TG: variants seen among roughly 807,000 people sequenced by gnomAD.
TG encodes thyroid hormones.
Under a neutral mutation model 324.7 loss-of-function variants are expected in TG, and 270 were observed. The observed-to-expected ratio is 0.83, with a 90% CI of 0.75 to 0.92. TG has a LOEUF of 0.92. Among genes scored for constraint, TG ranks in the 40% least tolerant of loss-of-function variants. The probability of loss-of-function intolerance (pLI) is 0.00; values close to 1 mark genes in which losing one functional copy is unlikely to be tolerated. For synonymous variants in TG, 1,401 were observed against 1,327.0 expected (o/e 1.06, Z -1.21); for missense variants, 3,591 against 3,456.4 (o/e 1.04, Z -0.98).
At chr8:133,125,380 A>T (rs1050250484) in intron 45 of TG, among the ~76,000 whole-genome samples, 22 of 152,250 alleles carry the variant, frequency 1.4e-4, no homozygotes, top group African/African-American at 5.3e-4. Flanking sequence ...GAGAACCAAG[A>T]AATAAGAAGA....
intron 27 of TG, among the ~76,000 whole-genome samples, chr8:132,949,554 A>G (rs779846781): frequency 6.6e-6 from 1 of 152,210 alleles, no homozygotes; most frequent in Non-Finnish European, 1.5e-5. Context: ...TGTCCCCCAA[A>G]CTAATGCCCA....
chr8:133,040,231 GC>G, intron 41 of TG: 1 of 1,307,610 alleles, frequency 7.6e-7, no homozygotes, highest in Non-Finnish European at 1.1e-6. Context: ...CCTGGCTGCT[GC>G]CATGGGGAAC....
intron 25 of TG, among the ~76,000 whole-genome samples, chr8:132,937,917 CT>C (rs1282461637): frequency 1.3e-5 from 2 of 151,952 alleles, no homozygotes; most frequent in South Asian, 4.2e-4. Flanking sequence ...CTATGTTTTG[CT>C]TTTTTTGGTT....
chr8:132,884,258 C>T (rs1199914723), intron 8 of TG, among the ~76,000 whole-genome samples: 1 of 152,266 alleles, frequency 6.6e-6, no homozygotes, highest in Non-Finnish European at 1.5e-5. Flanking sequence ...CAGTATGGGG[C>T]CAACATTAAA....
chr8:133,038,494 T>C (rs774291888), intron 41 of TG: 2 of 1,524,654 alleles, frequency 1.3e-6, no homozygotes, highest in South Asian at 2.2e-5. Context: ...TCTGTTCCTT[T>C]TGGGCATGAA....
intron 18 of TG, among the ~76,000 whole-genome samples, chr8:132,909,352 T>G (rs1819173131): frequency 6.6e-6 from 1 of 152,132 alleles, no homozygotes; most frequent in Non-Finnish European, 1.5e-5. Flanking sequence ...ACTAAGGTTT[T>G]GGATGCAGGG....
At chr8:133,050,054 C>T in intron 41 of TG, 1 of 1,009,462 alleles carries the variant, frequency 9.9e-7, no homozygotes, top group Non-Finnish European at 1.6e-6. Flanking sequence ...GATGAATGAA[C>T]AGAGTAATCA....
chr8:133,130,990 T>C (rs1588152728), intron 45 of TG, among the ~76,000 whole-genome samples: 2 of 149,874 alleles, frequency 1.3e-5, no homozygotes, highest in South Asian at 2.2e-4. Context: ...GCAGAGGGAG[T>C]GTGGTGATTG....
At chr8:132,962,367 G>A (rs1458691152) in intron 28 of TG, among the ~76,000 whole-genome samples, 1 of 152,120 alleles carries the variant, frequency 6.6e-6, no homozygotes, top group African/African-American at 2.4e-5. Context: ...GGAGGTCCTG[G>A]GGTTGAAACC....
intron 20 of TG, among the ~76,000 whole-genome samples, chr8:132,915,525 G>A (rs1820168139): frequency 1.3e-5 from 2 of 152,258 alleles, no homozygotes; most frequent in South Asian, 2.1e-4. Flanking sequence ...AGGGGCTGTG[G>A]GAGCCACAGG....
intron 38 of TG, 76 bp from the exon 39 acceptor site, chr8:133,019,526 G>A: frequency 2.4e-6 from 3 of 1,275,904 alleles, no homozygotes; most frequent in Non-Finnish European, 3.4e-6. Context: ...TGGGGTAGTG[G>A]GCTCTGACCA....
chr8:132,938,234 C>T (rs1358170166), intron 25 of TG, among the ~76,000 whole-genome samples: 1 of 152,186 alleles, frequency 6.6e-6, no homozygotes, highest in Non-Finnish European at 1.5e-5. Flanking sequence ...CCTTCAGTAA[C>T]CTTCAGTGGG....
rs373477042 is a variant in TG, at chr8:132,888,074, C to T, written c.2267C>T (p.Ser756Phe). The part of the protein sequence containing the change: ...LSNSSMLPTL[S>F]DTYIPQCSTD... Reference sequence around the variant, plus strand: ...AACTCCAGCATGCTACCCACCCTTTCCGACACCTACATCCCACAGTGCAGC... The same window carrying T: ...AACTCCAGCATGCTACCCACCCTTTTCGACACCTACATCCCACAGTGCAGC... The change falls in exon 10 of 48, where the codon TCC (serine) becomes TTC (phenylalanine). Residue 756 changes from serine to phenylalanine, a missense_variant. By Grantham distance (155) the Ser-to-Phe change is radical. Coordinates refer to ENST00000220616, the MANE Select transcript of TG (RefSeq NM_003235.5). 5 of 1,614,044 alleles carry T rather than the reference C, an allele frequency of 3.1e-6. No homozygotes were observed. The African/African-American group carries it at 6.7e-5, about 22-fold the overall frequency.
intron 2 of TG, among the ~76,000 whole-genome samples, chr8:132,869,437 A>G (rs1035136603): frequency 1.3e-5 from 2 of 152,126 alleles, no homozygotes. Context: ...CACTTGGTGG[A>G]TGTGGCTGAA....
At chr8:132,882,129 C>A (rs1343950825) in intron 6 of TG, among the ~76,000 whole-genome samples, 160 bp downstream of exon 6, 4 of 152,254 alleles carry the variant, frequency 2.6e-5, no homozygotes, top group East Asian at 1.9e-4. Flanking sequence ...AAACTGTCAT[C>A]TTGCAGTATG....
intron 32 of TG, among the ~76,000 whole-genome samples, chr8:132,969,805 T>A (rs1435567372): frequency 6.7e-6 from 1 of 149,820 alleles, no homozygotes; most frequent in Non-Finnish European, 1.5e-5. Context: ...TCCCAGTTAC[T>A]CAGGAGGCTG....
At chr8:132,933,910 C>T (rs575196877) in intron 24 of TG, among the ~76,000 whole-genome samples, 1 of 152,136 alleles carries the variant, frequency 6.6e-6, no homozygotes, top group Admixed American at 6.5e-5. Flanking sequence ...CTTGTGGCTT[C>T]CTGACGAGTC....
chr8:132,971,158 G>A (rs7004655), intron 32 of TG, among the ~76,000 whole-genome samples: 3,121 of 152,302 alleles, frequency 0.02, 83 homozygotes, highest in African/African-American at 0.069. Flanking sequence ...CTCCTGCCAT[G>A]AATAGCCCTA....
intron 18 of TG, 90 bp from the exon 19 acceptor site, chr8:132,911,287 C>T: frequency 6.2e-7 from 1 of 1,611,634 alleles, no homozygotes; most frequent in Non-Finnish European, 8.5e-7. Flanking sequence ...AAGGAAGTAA[C>T]ATAAGCCAAG....
Sources: gnomAD v4.1 joint callset for allele counts (sites outside exome capture counted in the v4.1 genomes callset) on GRCh38, gnomAD v4.1.1 for gene constraint, MANE v1.5 for transcripts, NCBI Gene and HGNC (gene_info 2026-07-23, HGNC 2026-07-21) for gene names.